Variants in DYNC2H1 observed in about 807,000 individuals in gnomAD.
The protein encoded by DYNC2H1 is cytoplasmic dynein 2 heavy chain 1.
A neutral mutation model predicts 570.0 loss-of-function variants in DYNC2H1; 410 were observed. The observed-to-expected ratio is 0.72, with a 90% CI of 0.66 to 0.78. The LOEUF (loss-of-function observed/expected upper bound fraction) is 0.78, where lower values mean the gene tolerates loss of function less well. Ranked by LOEUF, DYNC2H1 falls within the 30% of genes least tolerant of loss-of-function variation. The probability of loss-of-function intolerance (pLI) is 0.00; values close to 1 mark genes in which losing one functional copy is unlikely to be tolerated. For synonymous variants in DYNC2H1, 1,688 were observed against 1,677.6 expected, an observed-to-expected ratio of 1.01 and a Z score of -0.15; for missense variants, 4,865 against 5,046.4, an observed-to-expected ratio of 0.96 and a Z score of 1.09.
intron 30 of DYNC2H1, among the ~76,000 whole-genome samples, chr11:103,164,419 C>T (rs934501407): frequency 1.3e-5 from 2 of 152,116 alleles, no homozygotes; most frequent in Non-Finnish European, 1.5e-5. Flanking sequence ...AAATATTGAT[C>T]TCAAGAGTAT....
intron 75 of DYNC2H1, among the ~76,000 whole-genome samples, chr11:103,301,359 C>T (rs944832478): frequency 1.3e-4 from 20 of 151,842 alleles, no homozygotes; most frequent in African/African-American, 4.6e-4. Flanking sequence ...CTGATCAAGG[C>T]CATGTACATT....
At chr11:103,474,060 C>G in intron 88 of DYNC2H1, 1 of 228,496 alleles carries the variant, frequency 4.4e-6, no homozygotes. Flanking sequence ...ATTTCACTAA[C>G]ATATTTTGTA....
chr11:103,194,174 A>G (rs1862426350), intron 47 of DYNC2H1, among the ~76,000 whole-genome samples: 1 of 151,772 alleles, frequency 6.6e-6, no homozygotes, highest in Non-Finnish European at 1.5e-5. Flanking sequence ...TGTTTCTTTA[A>G]TTTTGTCACT....
intron 84 of DYNC2H1, among the ~76,000 whole-genome samples, chr11:103,430,443 GTTC>G (rs1943847699): frequency 6.6e-6 from 1 of 151,836 alleles, no homozygotes. Flanking sequence ...TTTTCACATG[GTTC>G]TTCATTGACT....
chr11:103,185,233 A>G lies in DYNC2H1; in HGVS notation c.6633+182A>G, dbSNP rs1229138596. On this transcript the variant is annotated intron_variant, in intron 41 of 88. Coordinates refer to ENST00000375735, the MANE Select transcript of DYNC2H1 (RefSeq NM_001377.3). This position sits in a 1 kb window ranked among gnomAD's most constrained non-coding sequence, Gnocchi z 4.5. ...TATATTTTCTCCTTTGAGTTATTTT[A>G]TGATGTTTGATAATATTATTAACAT... 6.6e-6 allele frequency among the ~76,000 whole-genome samples: 1 copy of G among 151,714 alleles called. No homozygotes were observed. Among genetic ancestry groups the G allele is most frequent in the Non-Finnish European group, 1.5e-5 (1 of 67,808 alleles).
At chr11:103,248,816 G>T (rs112211852) in intron 65 of DYNC2H1, among the ~76,000 whole-genome samples, 4 of 152,050 alleles carry the variant, frequency 2.6e-5, no homozygotes, top group African/African-American at 9.6e-5. Context: ...ATATCACAGT[G>T]AGTGCATCTA....
chr11:103,263,176 G>A lies in DYNC2H1; in HGVS notation c.10695+3199G>A, dbSNP rs747699277. Among the ~76,000 whole-genome samples the A allele has an allele frequency of 5.3e-5, 8 of 151,886 alleles. No homozygotes were observed. In the East Asian group the frequency reaches 5.8e-4, roughly 11 times the overall value. ...AGCTAACTATGCTAAATATATATGC[G>A]CCCAGTACAGGAGCACCCAGATTCA... On this transcript the variant is annotated intron_variant, in intron 70 of 88. Transcript: ENST00000375735.
At position 103,261,681 on chromosome 11, in the gene DYNC2H1, A is replaced by T. The variant is rs1189707018; in HGVS notation, c.10695+1704A>T. On this transcript the variant is annotated intron_variant, in intron 70 of 88. Transcript: ENST00000375735. This position sits in a 1 kb window ranked among gnomAD's most constrained non-coding sequence, Gnocchi z 4.8. ...CAACAAAAAGGACATCTATACAAAA[A>T]CCCCATCCGAAGGTCACCAAGATCA... Among the ~76,000 whole-genome samples, 1 of 152,086 alleles carries T rather than the reference A, an allele frequency of 6.6e-6. No individual in the cohort carries two copies. Among genetic ancestry groups the T allele is most frequent in the Non-Finnish European group, 1.5e-5 (1 of 68,028 alleles).
At chr11:103,155,949 C>A (rs756499912) in intron 25 of DYNC2H1, among the ~76,000 whole-genome samples, 3 of 152,100 alleles carry the variant, frequency 2.0e-5, no homozygotes, top group Non-Finnish European at 4.4e-5. Context: ...ATGACTGTTG[C>A]AGAAGATAAC....
intron 82 of DYNC2H1, among the ~76,000 whole-genome samples, chr11:103,338,270 T>C (rs1419706289): frequency 6.6e-6 from 1 of 152,032 alleles, no homozygotes; most frequent in African/African-American, 2.4e-5. Flanking sequence ...TTTTGGTTAC[T>C]ATAGGTTTCT....
intron 73 of DYNC2H1, among the ~76,000 whole-genome samples, chr11:103,284,307 T>C (rs1405118995): frequency 6.6e-6 from 1 of 152,206 alleles, no homozygotes; most frequent in Non-Finnish European, 1.5e-5. Flanking sequence ...TACTGAAGTC[T>C]CTTTTCGCCT....
intron 47 of DYNC2H1, among the ~76,000 whole-genome samples, chr11:103,197,075 A>C (rs566357156): frequency 6.6e-6 from 1 of 152,222 alleles, no homozygotes; most frequent in African/African-American, 2.4e-5. Flanking sequence ...GAACATTGCT[A>C]TAGGTAGATT....
intron 39 of DYNC2H1, among the ~76,000 whole-genome samples, chr11:103,179,571 G>C (rs1861764600): frequency 6.6e-6 from 1 of 151,662 alleles, no homozygotes; most frequent in South Asian, 2.1e-4. Flanking sequence ...CTAATATTAT[G>C]AGCTAATAAT....
chr11:103,304,771 T>C, intron 77 of DYNC2H1, 51 bp downstream of exon 77: 3 of 1,509,224 alleles, frequency 2.0e-6, no homozygotes, highest in Non-Finnish European at 2.7e-6. Context: ...AACTTAGCAA[T>C]CTCCAAGGGA....
chr11:103,120,353 A>G, intron 6 of DYNC2H1, 94 bp from the exon 7 acceptor site: 1 of 1,205,292 alleles, frequency 8.3e-7, no homozygotes, highest in East Asian at 2.5e-5. Context: ...AACCTAATTT[A>G]AAGAAATTCT....
chr11:103,360,697 A>G (rs540997530), intron 83 of DYNC2H1, among the ~76,000 whole-genome samples: 2 of 152,272 alleles, frequency 1.3e-5, no homozygotes, highest in South Asian at 4.1e-4. Context: ...AGTGATTTTT[A>G]TGCTAGGGAC....
intron 17 of DYNC2H1, among the ~76,000 whole-genome samples, chr11:103,141,473 G>A (rs1388011946): frequency 2.6e-5 from 4 of 152,184 alleles, no homozygotes; most frequent in African/African-American, 9.7e-5. Context: ...GTCCACTCCA[G>A]ACCCTGTTTG....
At chr11:103,447,379 A>AG (rs11440859) in intron 85 of DYNC2H1, among the ~76,000 whole-genome samples, 53,724 of 151,588 alleles carry the variant, frequency 0.35, 10,030 homozygotes, top group African/African-American at 0.48. Flanking sequence ...TAAACAAGGT[A>AG]AAAAATCAAC....
intron 6 of DYNC2H1, among the ~76,000 whole-genome samples, chr11:103,118,346 A>G (rs964646245): frequency 1.1e-4 from 17 of 151,952 alleles, no homozygotes; most frequent in African/African-American, 3.6e-4. Context: ...GTTCTTTATT[A>G]GAGACTTTTT....
Sources: allele counts gnomAD v4.1 joint callset (sites outside exome capture counted in the v4.1 genomes callset), GRCh38; gene constraint gnomAD v4.1.1; non-coding constraint Gnocchi (gnomAD v3.1); transcripts MANE v1.5; gene names NCBI Gene and HGNC (gene_info 2026-07-23, HGNC 2026-07-21).